BLOC1S1: variants seen among roughly 807,000 people sequenced by gnomAD.
The protein encoded by BLOC1S1 is biogenesis of lysosomal organelles complex 1 subunit 1, also known as biogenesis of lysosome-related organelles complex 1 subunit 1.
A neutral mutation model predicts 19.0 loss-of-function variants in BLOC1S1; 11 were observed. The observed-to-expected ratio is 0.58, with a 90% CI of 0.37 to 0.96. BLOC1S1 has a LOEUF of 0.96. BLOC1S1 is among the 40% of genes least tolerant of loss of function. The probability of loss-of-function intolerance (pLI) is 0.01; values close to 1 mark genes in which losing one functional copy is unlikely to be tolerated. For missense variants in BLOC1S1, 220 were observed against 195.9 expected, an observed-to-expected ratio of 1.12 and a Z score of -0.73; for synonymous variants, 94 against 76.4, an observed-to-expected ratio of 1.23 and a Z score of -1.20.
rs756388521 is a variant in BLOC1S1, at chr12:55,719,171, A to C, written c.299A>C (p.Lys100Thr). 1 of 1,613,936 alleles carries C rather than the reference A, an allele frequency of 6.2e-7. No individual in the cohort carries two copies. Among genetic ancestry groups the C allele is most frequent in the South Asian group, 1.1e-5 (1 of 91,076 alleles). ...TLQVQAAQFA[K>T]QTGQWIGMVE... is the part of the protein sequence containing the mutation. ...CAGGTCCAGGCTGCCCAATTTGCCA[A>C]GCAGACAGGCCAGTGGATCGGAATG... Residue 100 changes from lysine (K) to threonine (T), a missense_variant, in exon 3 of 4, where the codon AAG (lysine) becomes ACG (threonine). Coordinates refer to ENST00000548925, the MANE Select transcript of BLOC1S1 (RefSeq NM_001487.4).
intron 3 of BLOC1S1, 109 bp from the exon 4 acceptor site, chr12:55,719,390 G>A: frequency 6.9e-7 from 1 of 1,456,228 alleles, no homozygotes; most frequent in Non-Finnish European, 9.6e-7. Flanking sequence ...CAGTTGGTGG[G>A]TCCAAGTAAA....
At chr12:55,716,301 T>C in intron 1 of BLOC1S1, 105 bp downstream of exon 1, 2 of 1,514,724 alleles carry the variant, frequency 1.3e-6, no homozygotes, top group Non-Finnish European at 1.8e-6. Flanking sequence ...AGACGCCAGC[T>C]AGCGGGCAAC....
At position 55,716,251 on chromosome 12, in the gene BLOC1S1, C is replaced by G; in HGVS notation, c.145+55C>G. 3 of 1,558,928 alleles carry G rather than the reference C, an allele frequency of 1.9e-6. No individual in the cohort carries two copies. In the South Asian group the frequency reaches 3.5e-5, roughly 18 times the overall value. ...TCTTCGGCCGCGGCCTAGCTTCAGC[C>G]CGGAGCCTGGATCTCGAGTAACTAA... On this transcript the variant is annotated intron_variant, in intron 1 of 3. Coordinates refer to ENST00000548925, the MANE Select transcript of BLOC1S1 (RefSeq NM_001487.4).
intron 2 of BLOC1S1, among the ~76,000 whole-genome samples, chr12:55,718,294 C>T (rs936108621): frequency 4.6e-5 from 7 of 152,192 alleles, no homozygotes; most frequent in African/African-American, 1.7e-4. Context: ...TGTGGAATCT[C>T]CTGGCTGAGT....
chr12:55,718,491 CATGT>C (rs1565652828), intron 2 of BLOC1S1, among the ~76,000 whole-genome samples: 2 of 95,240 alleles, frequency 2.1e-5, no homozygotes, highest in Admixed American at 1.1e-4. Flanking sequence ...GGAGGGAGAG[CATGT>C]GTGTGTGTGT....
rs1254730458 is a variant in BLOC1S1, at chr12:55,719,637, C to T, written c.*28C>T. 1 of 1,588,906 alleles carries T rather than the reference C, an allele frequency of 6.3e-7. No individual in the cohort carries two copies. Among genetic ancestry groups the T allele is most frequent in the Non-Finnish European group, 8.6e-7 (1 of 1,157,882 alleles). On this transcript the variant is annotated 3_prime_UTR_variant, in exon 4 of 4. Coordinates refer to ENST00000548925, the MANE Select transcript of BLOC1S1 (RefSeq NM_001487.4). ...CCTGTTCCCTCCCCCAACCCTATCC[C>T]TCCTACCTCACCCGCAGGGGGAAGG...
rs1032955783 is a variant in BLOC1S1 at position 55,719,163 on chromosome 12, A to G, written c.291A>G (p.Gln97=). The G allele has an allele frequency of 2.5e-6, 4 of 1,613,670 alleles. No homozygotes were observed. Among genetic ancestry groups the G allele is most frequent in the African/African-American group, 1.3e-5 (1 of 74,778 alleles). The change falls in exon 3 of 4, where the codon CAA becomes CAG. Residue 97 remains glutamine, a synonymous_variant. Transcript: ENST00000548925. ...AGACCCTACAGGTCCAGGCTGCCCAATTTGCCAAGCAGACAGGCCAGTGGA... is the reference window on the plus strand; with the variant it reads ...AGACCCTACAGGTCCAGGCTGCCCAGTTTGCCAAGCAGACAGGCCAGTGGA... ...EVKTLQVQAA[Q]FAKQTGQWIG... is the part of the protein sequence containing the mutation.
intron 2 of BLOC1S1, 134 bp from the exon 3 acceptor site, chr12:55,718,957 G>T: frequency 2.7e-6 from 3 of 1,112,162 alleles, no homozygotes; most frequent in Non-Finnish European, 2.5e-6. Flanking sequence ...GTAGTCATTT[G>T]CATCACATCC....
At chr12:55,716,460 G>C in intron 1 of BLOC1S1, 2 of 1,329,374 alleles carry the variant, frequency 1.5e-6, no homozygotes, top group Non-Finnish European at 1.9e-6. Flanking sequence ...CCCTGCCCCG[G>C]AGCGCCCTGC....
intron 1 of BLOC1S1, 199 bp downstream of exon 1, chr12:55,716,395 C>T: frequency 7.1e-7 from 1 of 1,400,642 alleles, no homozygotes; most frequent in Non-Finnish European, 9.2e-7. Context: ...TTGGGCAATA[C>T]TCCGGTCCCC....
rs751648779 is a variant in BLOC1S1 at position 55,716,095 on chromosome 12, G to C, written c.44G>C (p.Arg15Pro). The change falls in exon 1 of 4, where the codon CGG (arginine) becomes CCG (proline). Residue 15 changes from arginine (R) to proline (P), a missense_variant. Coordinates refer to ENST00000548925, the MANE Select transcript of BLOC1S1 (RefSeq NM_001487.4). Reference sequence around the variant, plus strand: ...GGTGAGCGTTCCAGCTTCCGGAGCCGGAGGGGGCCCGGCGTACCCAGCCCC... The same window carrying C: ...GGTGAGCGTTCCAGCTTCCGGAGCCCGAGGGGGCCCGGCGTACCCAGCCCC... Reference protein sequence around the residue: ...SRGERSSFRSRRGPGVPSPQP... With the variant: ...SRGERSSFRSPRGPGVPSPQP... 5 of 1,593,554 alleles carry C rather than the reference G, an allele frequency of 3.1e-6. No homozygotes were observed. Among genetic ancestry groups the C allele is most frequent in the Non-Finnish European group, 4.3e-6 (5 of 1,170,752 alleles).
intron 1 of BLOC1S1, 154 bp from the exon 2 acceptor site, chr12:55,716,779 T>A: frequency 1.6e-6 from 2 of 1,272,814 alleles, no homozygotes; most frequent in Non-Finnish European, 1.0e-6. Flanking sequence ...GAGGTTGCGC[T>A]ATGTTTTGCA....
chr12:55,716,448 G>T, intron 1 of BLOC1S1: 1 of 1,344,868 alleles, frequency 7.4e-7, no homozygotes, highest in Non-Finnish European at 9.5e-7. Context: ...CCTTAGCCCC[G>T]CCCCTGCCCC....
At chr12:55,717,132 CG>C (rs1876622741) in intron 2 of BLOC1S1, 127 bp downstream of exon 2, 1 of 680,938 alleles carries the variant, frequency 1.5e-6, no homozygotes, top group South Asian at 2.3e-5. Flanking sequence ...TATCCTACCC[CG>C]CCCCTCCCAG....
chr12:55,718,959 A>C, intron 2 of BLOC1S1, 132 bp from the exon 3 acceptor site: 2 of 1,156,734 alleles, frequency 1.7e-6, no homozygotes, highest in Non-Finnish European at 2.4e-6. Flanking sequence ...AGTCATTTGC[A>C]TCACATCCAA....
rs1876815910 is a variant in BLOC1S1, at chr12:55,719,549, C to T, written c.402C>T (p.Arg134=). Residue 134 remains arginine, a synonymous_variant, in exon 4 of 4, where the codon CGC becomes CGT. Transcript: ENST00000548925. The stretch of plus-strand genomic sequence containing the variant: ...CTCGGAGCATCGAGCTGGACATGCG[C>T]ACCATTGCCACTGCACTGGAATATG... ...NWARSIELDM[R]TIATALEYVY... 2 of 1,614,092 alleles carry T rather than the reference C, an allele frequency of 1.2e-6. No homozygotes were observed. Among genetic ancestry groups the T allele is most frequent in the Admixed American group, 1.7e-5 (1 of 60,008 alleles).
intron 2 of BLOC1S1, among the ~76,000 whole-genome samples, chr12:55,718,183 T>C (rs1876716824): frequency 6.6e-6 from 1 of 152,178 alleles, no homozygotes; most frequent in Non-Finnish European, 1.5e-5. Context: ...AAAGGCTCAG[T>C]CTATCTTGGC....
At position 55,716,068 on chromosome 12, in the gene BLOC1S1, G is replaced by A. The variant is rs545542768; in HGVS notation, c.17G>A (p.Arg6Gln). Reference sequence around the variant, plus strand: ...TCACGTGACATGGCCCCGGGGAGCCGAGGTGAGCGTTCCAGCTTCCGGAGC... The same window carrying A: ...TCACGTGACATGGCCCCGGGGAGCCAAGGTGAGCGTTCCAGCTTCCGGAGC... Reference protein sequence around the residue: MAPGSRGERSSFRSRR... With the variant: MAPGSQGERSSFRSRR... Residue 6 changes from arginine to glutamine, a missense_variant, in exon 1 of 4, where the codon CGA becomes CAA. Coordinates refer to ENST00000548925, the MANE Select transcript of BLOC1S1 (RefSeq NM_001487.4). 1.3e-6 allele frequency: 2 copies of A among 1,566,796 alleles called. No individual in the cohort carries two copies. Among genetic ancestry groups the A allele is most frequent in the Middle Eastern group, 1.7e-4 (1 of 6,002 alleles).
chr12:55,717,781 A>T (rs1177065108), intron 2 of BLOC1S1, among the ~76,000 whole-genome samples: 1 of 152,156 alleles, frequency 6.6e-6, no homozygotes, highest in Non-Finnish European at 1.5e-5. Context: ...TGAGAGAAAG[A>T]AAGTTGTGGC....
Sources: allele counts gnomAD v4.1 joint callset (sites outside exome capture counted in the v4.1 genomes callset), GRCh38; gene constraint gnomAD v4.1.1; transcripts MANE v1.5; gene names NCBI Gene and HGNC (gene_info 2026-07-23, HGNC 2026-07-21).